PODXL2: variants seen among roughly 807,000 people sequenced by gnomAD.
PODXL2 encodes podocalyxin like 2.
PODXL2 carries 17 observed loss-of-function variants against 53.4 expected under a neutral mutation model. The observed-to-expected ratio is 0.32, with a 90% confidence interval of 0.22 to 0.48. PODXL2 has a LOEUF of 0.48. PODXL2 is among the 20% of genes least tolerant of loss of function. The pLI is 0.99. For synonymous variants in PODXL2, 311 were observed against 306.7 expected, an observed-to-expected ratio of 1.01 and a Z score of -0.15; for missense variants, 673 against 760.0, an observed-to-expected ratio of 0.89 and a Z score of 1.35.
chr3:127,631,203 G>T lies in PODXL2; in HGVS notation c.70+1914G>T, dbSNP rs945839356. 7.2e-5 allele frequency among the ~76,000 whole-genome samples: 11 copies of T among 152,178 alleles called. 1 individual carries two copies. Among genetic ancestry groups the T allele is most frequent in the Non-Finnish European group, 1.6e-4 (11 of 68,032 alleles). ...GTTCCTGTTGTCGCTGACACTTAAG[G>T]GTGAGGAGCTGTGTGACAGATGCTG... On this transcript the variant is annotated intron_variant, in intron 1 of 7. Transcript: ENST00000342480.
chr3:127,672,126 C>A, intron 7 of PODXL2, 142 bp from the exon 8 acceptor site: 1 of 639,400 alleles, frequency 1.6e-6, no homozygotes, highest in Non-Finnish European at 2.7e-6. Context: ...AGGAGTTGAG[C>A]TGCAGCAACA....
At chr3:127,638,827 C>A (rs187773750) in intron 1 of PODXL2, among the ~76,000 whole-genome samples, 113 of 152,336 alleles carry the variant, frequency 7.4e-4, no homozygotes, top group Middle Eastern at 3.4e-3. Context: ...GGATGGAAGC[C>A]TGGGGAACAC....
intron 4 of PODXL2, among the ~76,000 whole-genome samples, chr3:127,663,986 AT>A (rs1322471868): frequency 2.0e-5 from 3 of 152,026 alleles, no homozygotes; most frequent in Non-Finnish European, 2.9e-5. Context: ...TTTATGGTAG[AT>A]TTTTTTTATT....
Position 127,661,038 on chromosome 3 carries a change from C to T in PODXL2, c.1010C>T (p.Ala337Val). 1 of 1,614,142 alleles carries T rather than the reference C, an allele frequency of 6.2e-7. No homozygotes were observed. The highest frequency in any genetic ancestry group is 1.1e-5 in the South Asian group (1 of 91,086). Residue 337 changes from alanine to valine, a missense_variant, in exon 3 of 8, where the codon GCC becomes GTC. Ala to Val is a moderately conservative substitution (Grantham distance 64, BLOSUM62 0). This residue lies in a region of PODXL2 where 588 missense variants were observed against 668.3 expected (regional missense o/e 0.88). Transcript: ENST00000342480. ...GSRTSASSPL[A>V]PGDMELTPSS... ...AGAACCTCAGCCTCTTCCCCACTGG[C>T]CCCTGGAGACATGGAACTGACACCT...
chr3:127,641,311 G>T (rs1043779919), intron 2 of PODXL2, among the ~76,000 whole-genome samples: 4 of 152,154 alleles, frequency 2.6e-5, no homozygotes, highest in Admixed American at 6.5e-5. Flanking sequence ...CTGGGCTCAA[G>T]CGATCCTCCC....
At chr3:127,664,024 T>G (rs1003535791) in intron 4 of PODXL2, among the ~76,000 whole-genome samples, 1 of 152,244 alleles carries the variant, frequency 6.6e-6, no homozygotes, top group African/African-American at 2.4e-5. Context: ...AATTTTCCAT[T>G]TCACCCTTTG....
Position 127,669,214 on chromosome 3 carries a change from G to GGGACCT in PODXL2, c.1425+20_1425+25dup, listed in dbSNP as rs2074815342. 1 of 1,592,316 alleles carries GGGACCT rather than the reference G, an allele frequency of 6.3e-7. No individual in the cohort carries two copies. The highest frequency in any genetic ancestry group is 1.3e-5 in the African/African-American group (1 of 74,184). On this transcript the variant is annotated intron_variant, in intron 6 of 7. Coordinates refer to ENST00000342480, the MANE Select transcript of PODXL2 (RefSeq NM_015720.4). ...GGAGCCTGGAGGAGGTAAGAGTGCA[G>GGGACCT]GGACCTGGACCTGTTAGCTTCTAAT... is the stretch of plus-strand genomic sequence containing the variant.
intron 1 of PODXL2, among the ~76,000 whole-genome samples, chr3:127,635,789 A>G (rs1449694931): frequency 6.6e-6 from 1 of 152,194 alleles, no homozygotes; most frequent in African/African-American, 2.4e-5. Context: ...AACGGTAGCC[A>G]TTTATTTAGC....
intron 4 of PODXL2, among the ~76,000 whole-genome samples, chr3:127,667,348 C>A (rs535573735): frequency 4.6e-5 from 7 of 152,330 alleles, no homozygotes; most frequent in African/African-American, 1.7e-4. Context: ...GATGCTCGTG[C>A]CTCCCAGTGG....
rs1309326646 is a variant in PODXL2, at chr3:127,662,275, C to T, written c.1170C>T (p.Asn390=). Residue 390 remains asparagine (N), a synonymous_variant, in exon 4 of 8, where the codon AAC becomes AAT. Transcript: ENST00000342480. The part of the protein sequence containing the change: ...CKDWSNLAGK[N]YIILNMTENI... ...ACTGGAGCAATCTGGCTGGGAAAAA[C>T]TACATCATTCTGAACATGACAGAGA... 27 of 1,613,940 alleles carry T rather than the reference C, an allele frequency of 1.7e-5. No individual in the cohort carries two copies. The highest frequency in any genetic ancestry group is 2.3e-5 in the Non-Finnish European group (27 of 1,179,950).
chr3:127,661,747 C>A (rs2074769052), intron 3 of PODXL2, among the ~76,000 whole-genome samples: 1 of 152,028 alleles, frequency 6.6e-6, no homozygotes, highest in South Asian at 2.1e-4. Flanking sequence ...CACACTTAGA[C>A]TTCTGCACTG....
At chr3:127,669,254 C>A in intron 6 of PODXL2, 52 bp downstream of exon 6, 1 of 1,251,368 alleles carries the variant, frequency 8.0e-7, no homozygotes, top group Non-Finnish European at 1.2e-6. Flanking sequence ...TCCCTCCTGT[C>A]TCTGTTCCTC....
At position 127,668,512 on chromosome 3, in the gene PODXL2, T is replaced by A. The variant is rs766409124; in HGVS notation, c.1278T>A (p.Ser426Arg). 6.3e-7 allele frequency: 1 copy of A among 1,577,960 alleles called. No individual in the cohort carries two copies. The highest frequency in any genetic ancestry group is 8.6e-7 in the Non-Finnish European group (1 of 1,162,564). ...AAGAGGTGCTGCCCCGCCATGGCAGTGGCCACCATGGGGCCTGGCACATCT... is the reference window on the plus strand; with the variant it reads ...AAGAGGTGCTGCCCCGCCATGGCAGAGGCCACCATGGGGCCTGGCACATCT... ...LVEEVLPRHG[S>R]GHHGAWHISL... Residue 426 changes from serine to arginine, a missense_variant, in exon 5 of 8, where the codon AGT becomes AGA. This residue lies in a region of PODXL2 where 588 missense variants were observed against 668.3 expected (regional missense o/e 0.88). Coordinates refer to ENST00000342480, the MANE Select transcript of PODXL2 (RefSeq NM_015720.4).
intron 3 of PODXL2, 123 bp downstream of exon 3, chr3:127,661,282 A>G (rs1031486086): frequency 4.1e-5 from 28 of 688,032 alleles, no homozygotes; most frequent in Non-Finnish European, 2.4e-6. Context: ...TTTCCACAGC[A>G]CGTAGAACCC....
rs1384628308 is a variant in PODXL2 at position 127,633,623 on chromosome 3, A to G, written c.70+4334A>G. 3.3e-5 allele frequency among the ~76,000 whole-genome samples: 5 copies of G among 152,108 alleles called. No homozygotes were observed. The East Asian group carries it at 5.8e-4, about 18-fold the overall frequency. On this transcript the variant is annotated intron_variant, in intron 1 of 7. Coordinates refer to ENST00000342480, the MANE Select transcript of PODXL2 (RefSeq NM_015720.4). ...GATTAGACTACTAATTATTTATTCA[A>G]ACCTTTATTGTGTCCCCATCATGTG... is the stretch of plus-strand genomic sequence containing the variant.
intron 3 of PODXL2, 55 bp downstream of exon 3, chr3:127,661,214 C>A: frequency 7.2e-7 from 1 of 1,383,864 alleles, no homozygotes; most frequent in Non-Finnish European, 1.0e-6. Context: ...AGAGCCTGGC[C>A]ATCCCCAGGG....
At chr3:127,639,199 G>A (rs1259483507) in intron 1 of PODXL2, 46 bp from the exon 2 acceptor site, 7 of 1,527,086 alleles carry the variant, frequency 4.6e-6, no homozygotes, top group Non-Finnish European at 6.1e-6. Flanking sequence ...CCAGTCTTGT[G>A]TCTTCTCTAG....
chr3:127,631,999 G>A (rs1245038191), intron 1 of PODXL2, among the ~76,000 whole-genome samples: 1 of 152,220 alleles, frequency 6.6e-6, no homozygotes, highest in Non-Finnish European at 1.5e-5. Context: ...GATGTTAGAG[G>A]AAGGTTATGG....
intron 2 of PODXL2, among the ~76,000 whole-genome samples, chr3:127,642,392 A>G (rs2074627113): frequency 1.3e-5 from 2 of 152,128 alleles, no homozygotes; most frequent in South Asian, 2.1e-4. Context: ...ATGAAGCAGC[A>G]GATTTATGAA....
Sources: allele counts gnomAD v4.1 joint callset (sites outside exome capture counted in the v4.1 genomes callset), GRCh38; gene constraint gnomAD v4.1.1; regional missense constraint gnomAD v4.1.1; transcripts MANE v1.5; gene names NCBI Gene and HGNC (gene_info 2026-07-23, HGNC 2026-07-21).